TRIL: variants seen among roughly 807,000 people sequenced by gnomAD.
TRIL encodes the protein TLR4 interactor with leucine rich repeats.
In TRIL, 23 loss-of-function variants were observed where a neutral mutation model predicts 43.0. The observed-to-expected ratio is 0.54, with a 90% CI of 0.39 to 0.76. The LOEUF (loss-of-function observed/expected upper bound fraction) is 0.76. Ranked by LOEUF, TRIL falls within the 30% of genes least tolerant of loss-of-function variation. TRIL has a pLI of 0.00. For synonymous variants in TRIL, 602 were observed against 556.8 expected (o/e 1.08, Z -1.14); for missense variants, 1,114 against 1,139.3 (o/e 0.98, Z 0.32).
rs1783386258 is a variant in TRIL at position 28,955,713 on chromosome 7, G to A, written c.2334C>T (p.Asp778=). ...AGCGGTCGCAGGGGAATTCGATGAGGTCCGCCTCACTGAGCGCGCACACGG... is the reference window on the plus strand; with the variant it reads ...AGCGGTCGCAGGGGAATTCGATGAGATCCGCCTCACTGAGCGCGCACACGG... ...RTTVCALSEA[D]LIEFPCDRFM... The change falls in exon 1 of 1, where the codon GAC becomes GAT. Residue 778 remains aspartate, a synonymous_variant. Coordinates refer to ENST00000539664, the MANE Select transcript of TRIL (RefSeq NM_014817.4). 6.5e-7 allele frequency: 1 copy of A among 1,550,066 alleles called. No homozygotes were observed. Among genetic ancestry groups the A allele is most frequent in the Admixed American group, 2.0e-5 (1 of 50,990 alleles).
rs184399486 is a variant in TRIL, at chr7:28,956,482, C to A, written c.1565G>T (p.Arg522Leu). The stretch of plus-strand genomic sequence containing the variant: ...GGGCTCCGCGAGGGCGGGATCTGCC[C>A]GAGTCGGACGGCCCCGCTGGGGCTT... Reference protein sequence around the residue: ...HKKPQRGRPTRADPALAEPTP... With the variant: ...HKKPQRGRPTLADPALAEPTP... Residue 522 changes from arginine (R) to leucine (L), a missense_variant, in exon 1 of 1, where the codon CGG (arginine) becomes CTG (leucine). Transcript: ENST00000539664. 9.3e-5 allele frequency: 145 copies of A among 1,562,740 alleles called. No homozygotes were observed. The African/African-American group carries it at 1.7e-3, about 18-fold the overall frequency.
Position 28,955,731 on chromosome 7 carries a change from G to T in TRIL, c.2316C>A (p.Cys772Ter). ...FQSHRPRTTV[C>*]ALSEADLIEF... ...CGATGAGGTCCGCCTCACTGAGCGC[G>T]CACACGGTGGTGCGTGGCCGGTGCG... The change falls in exon 1 of 1, where the codon TGC (cysteine) becomes TGA (stop). Residue 772 changes from cysteine to a stop codon, truncating the protein, a stop_gained. Transcript: ENST00000539664. LOFTEE classifies it high-confidence loss of function. 6.5e-7 allele frequency: 1 copy of T among 1,550,328 alleles called. No individual in the cohort carries two copies. The highest frequency in any genetic ancestry group is 8.7e-7 in the Non-Finnish European group (1 of 1,146,910).
In TRIL at chr7:28,956,123, T is replaced by C; in HGVS notation, c.1924A>G (p.Ser642Gly). ...TCGCGCAGCGTGGCCGAGTCGCTGC[T>C]CTCAGGCAGGTAGACGAAGCGGTGG... is the stretch of plus-strand genomic sequence containing the variant. ...KFHRFVYLPE[S>G]SDSATLRELR... Residue 642 changes from serine (S) to glycine (G), a missense_variant, in exon 1 of 1, where the codon AGC becomes GGC. Coordinates refer to ENST00000539664, the MANE Select transcript of TRIL (RefSeq NM_014817.4). 1 of 1,563,396 alleles carries C rather than the reference T, an allele frequency of 6.4e-7. No homozygotes were observed.
In TRIL at chr7:28,956,818, T is replaced by C. The variant is rs1783412324; in HGVS notation, c.1229A>G (p.Gln410Arg). ...YLDYLDDQQL[Q>R]NGSCADPSPS... ...CGAGGGATCCGCGCAGGATCCATTTTGCAGCTGCTGGTCATCCAGGTAATC... is the reference window on the plus strand; with the variant it reads ...CGAGGGATCCGCGCAGGATCCATTTCGCAGCTGCTGGTCATCCAGGTAATC... The change falls in exon 1 of 1, where the codon CAA becomes CGA. Residue 410 changes from glutamine (Q) to arginine (R), a missense_variant. Coordinates refer to ENST00000539664, the MANE Select transcript of TRIL (RefSeq NM_014817.4). 2 of 1,611,170 alleles carry C rather than the reference T, an allele frequency of 1.2e-6. No homozygotes were observed. Among genetic ancestry groups the C allele is most frequent in the Admixed American group, 3.3e-5 (2 of 59,822 alleles).
chr7:28,957,111 C>G lies in TRIL; in HGVS notation c.936G>C (p.Glu312Asp). 1 of 1,574,444 alleles carries G rather than the reference C, an allele frequency of 6.4e-7. No homozygotes were observed. The highest frequency in any genetic ancestry group is 8.6e-7 in the Non-Finnish European group (1 of 1,163,244). Residue 312 changes from glutamate to aspartate, a missense_variant, in exon 1 of 1, where the codon GAG (glutamate) becomes GAC (aspartate). Glu to Asp is a conservative substitution (Grantham distance 45, BLOSUM62 2). Transcript: ENST00000539664. ...AGGTGGCCGGGTGCAGGGCGGACAG[C>G]TCATTGCCGCTCAGGTCCAGCGCCT... Reference protein sequence around the residue: ...SLEALDLSGNELSALHPATFG... With the variant: ...SLEALDLSGNDLSALHPATFG...
Position 28,956,695 on chromosome 7 carries a change from G to A in TRIL, c.1352C>T (p.Pro451Leu), listed in dbSNP as rs894946849. The change falls in exon 1 of 1, where the codon CCG becomes CTG. Residue 451 changes from proline to leucine, a missense_variant. Transcript: ENST00000539664. The part of the protein sequence containing the change: ...TPPAGLAEEL[P>L]PQPQLQQQGR... The stretch of plus-strand genomic sequence containing the variant: ...CTGCTGCTGGAGCTGCGGCTGCGGC[G>A]GCAGCTCCTCCGCGAGACCTGCAGG... The A allele has an allele frequency of 6.3e-7, 1 of 1,587,876 alleles. No homozygotes were observed. The highest frequency in any genetic ancestry group is 2.2e-5 in the East Asian group (1 of 44,474).
chr7:28,956,658 T>A lies in TRIL; in HGVS notation c.1389A>T (p.Leu463=), dbSNP rs1326116178. 6.3e-7 allele frequency: 1 copy of A among 1,575,152 alleles called. No homozygotes were observed. The change falls in exon 1 of 1, where the codon CTA becomes CTT. Residue 463 remains leucine, a synonymous_variant. Transcript: ENST00000539664. The stretch of plus-strand genomic sequence containing the variant: ...CGGCCCCATCCCAGGCCACCCCAGC[T>A]AGAAATCGCCCCTGCTGCTGGAGCT... ...QPQLQQQGRF[L]AGVAWDGAAR...
rs778141580 is a variant in TRIL, at chr7:28,955,836, G to C, written c.2211C>G (p.His737Gln). The change falls in exon 1 of 1, where the codon CAC (histidine) becomes CAG (glutamine). Residue 737 changes from histidine (H) to glutamine (Q), a missense_variant. Physicochemically the swap from His to Gln is conservative, Grantham distance 24. Transcript: ENST00000539664. ...GTCGGGTGGAGTACATGTGCCGAAC[G>C]TGGACCGGGGCCCCGCCCTTCCGCC... ...RARRKGGAPV[H>Q]VRHMYSTRRP... The C allele has an allele frequency of 1.3e-6, 2 of 1,549,804 alleles. No individual in the cohort carries two copies. Among genetic ancestry groups the C allele is most frequent in the East Asian group, 4.9e-5 (2 of 40,902 alleles).
In TRIL at chr7:28,958,210, G is replaced by T; in HGVS notation, c.-164C>A. On this transcript the variant is annotated 5_prime_UTR_variant, in exon 1 of 1. Transcript: ENST00000539664. ...GTCCTTTGTCCGGAGGCCGGCCCGG[G>T]TCTCTGCAGGCGGGCTTCGCCCGGC... The T allele has an allele frequency of 9.3e-7, 1 of 1,077,002 alleles. No homozygotes were observed. The highest frequency in any genetic ancestry group is 1.3e-6 in the Non-Finnish European group (1 of 783,218). The allele number at this position is 1,077,002 out of a possible 1,614,324, so 66.7% of individuals were successfully genotyped here.
Position 28,958,204 on chromosome 7 carries a change from GC to G in TRIL, c.-159del. ...TCCTCCGTCCTTTGTCCGGAGGCCG[GC>G]CCGGGTCTCTGCAGGCGGGCTTCGC... On this transcript the variant is annotated 5_prime_UTR_variant, in exon 1 of 1. Transcript: ENST00000539664. 1 of 1,140,500 alleles carries G rather than the reference GC, an allele frequency of 8.8e-7. No homozygotes were observed. The highest frequency in any genetic ancestry group is 1.2e-6 in the Non-Finnish European group (1 of 841,096). 70.6% of individuals were successfully genotyped at this position (1,140,500 alleles called of 1,614,324 possible).
chr7:28,957,362 G>A lies in TRIL; in HGVS notation c.685C>T (p.Arg229Cys), dbSNP rs746978205. Residue 229 changes from arginine (R) to cysteine (C), a missense_variant, in exon 1 of 1, where the codon CGC (arginine) becomes TGC (cysteine). By Grantham distance (180) the Arg-to-Cys change is radical. Coordinates refer to ENST00000539664, the MANE Select transcript of TRIL (RefSeq NM_014817.4). ...GAGAGGATGAGGGAGGAGAGGGAGC[G>A]CAGCGGTGCGAAGGTGGCCGCGTGG... is the stretch of plus-strand genomic sequence containing the variant. ...LRHAATFAPL[R>C]SLSSLILSAN... The A allele has an allele frequency of 1.4e-5, 22 of 1,612,558 alleles. No individual in the cohort carries two copies. The highest frequency in any genetic ancestry group is 1.8e-5 in the Non-Finnish European group (21 of 1,179,420).
chr7:28,956,456 T>C lies in TRIL; in HGVS notation c.1591A>G (p.Thr531Ala). ...GCAGAGCCAGGAGAGGCCGTTGGGG[T>C]GGGCTCCGCGAGGGCGGGATCTGCC... ...TRADPALAEP[T>A]PTASPGSAPS... is the part of the protein sequence containing the mutation. The change falls in exon 1 of 1, where the codon ACC becomes GCC. Residue 531 changes from threonine to alanine, a missense_variant. By Grantham distance (58) the Thr-to-Ala change is moderately conservative. Transcript: ENST00000539664. 6.5e-7 allele frequency: 1 copy of C among 1,545,550 alleles called. No individual in the cohort carries two copies. The highest frequency in any genetic ancestry group is 8.7e-7 in the Non-Finnish European group (1 of 1,152,902).
chr7:28,955,477 C>T lies in TRIL; in HGVS notation c.*134G>A. ...GAGTATTGGGAATTGGGGGATGGTG[C>T]CCGAATTGGCCCTCTGTCCCCACCG... On this transcript the variant is annotated 3_prime_UTR_variant, in exon 1 of 1. Coordinates refer to ENST00000539664, the MANE Select transcript of TRIL (RefSeq NM_014817.4). The T allele has an allele frequency of 7.8e-7, 1 of 1,289,952 alleles. No homozygotes were observed. The highest frequency in any genetic ancestry group is 1.0e-6 in the Non-Finnish European group (1 of 970,224). 79.9% of individuals were successfully genotyped at this position (1,289,952 alleles called of 1,614,324 possible). A position where few individuals can be genotyped will look rare whatever the true frequency, so the allele number is the denominator to read the frequency against.
At position 28,957,755 on chromosome 7, in the gene TRIL, G is replaced by C. The variant is rs375382146; in HGVS notation, c.292C>G (p.Leu98Val). 1.1e-5 allele frequency: 17 copies of C among 1,613,790 alleles called. No individual in the cohort carries two copies. The highest frequency in any genetic ancestry group is 1.4e-5 in the Non-Finnish European group (16 of 1,179,834). ...AGCTTCTCGAAGGTCTTGGGGTGCA[G>C]AGAGCGGATCTGGTTGTACTGCAGG... ...LDLQYNQIRS[L>V]HPKTFEKLSR... The change falls in exon 1 of 1, where the codon CTG becomes GTG. Residue 98 changes from leucine to valine, a missense_variant. By Grantham distance (32) the Leu-to-Val change is conservative. Coordinates refer to ENST00000539664, the MANE Select transcript of TRIL (RefSeq NM_014817.4).
rs1292952317 is a variant in TRIL, at chr7:28,957,314, C to G, written c.733G>C (p.Gly245Arg). 7 of 1,612,018 alleles carry G rather than the reference C, an allele frequency of 4.3e-6. No individual in the cohort carries two copies. Among genetic ancestry groups the G allele is most frequent in the Non-Finnish European group, 5.9e-6 (7 of 1,179,760 alleles). ...ILSANNLQHLGPRIFQHLPRL... is the reference protein window; with the variant it reads ...ILSANNLQHLRPRIFQHLPRL... ...GGCAGGTGCTGGAAGATGCGCGGCC[C>G]GAGGTGCTGCAGGTTGTTGGCCGAG... The change falls in exon 1 of 1, where the codon GGG becomes CGG. Residue 245 changes from glycine (G) to arginine (R), a missense_variant. Gly to Arg is a moderately radical substitution (Grantham distance 125, BLOSUM62 -2). Transcript: ENST00000539664.
chr7:28,956,990 G>A lies in TRIL; in HGVS notation c.1057C>T (p.Arg353Trp), dbSNP rs766078909. Reference sequence around the variant, plus strand: ...CAGCCGTTGCCGTCTAGATCCAGCCGATAAAGGGCTGGGCTGGCGGCGAAG... The same window carrying A: ...CAGCCGTTGCCGTCTAGATCCAGCCAATAAAGGGCTGGGCTGGCGGCGAAG... ...DIFAASPALY[R>W]LDLDGNGWTC... is the part of the protein sequence containing the mutation. Residue 353 changes from arginine (R) to tryptophan (W), a missense_variant, in exon 1 of 1, where the codon CGG becomes TGG. Transcript: ENST00000539664. The A allele has an allele frequency of 5.1e-6, 8 of 1,583,190 alleles. No individual in the cohort carries two copies. Among genetic ancestry groups the A allele is most frequent in the Middle Eastern group, 1.7e-4 (1 of 5,856 alleles).
In TRIL at chr7:28,957,993, C is replaced by G; in HGVS notation, c.54G>C (p.Ala18=). The G allele has an allele frequency of 5.6e-6, 9 of 1,597,510 alleles. No homozygotes were observed. Among genetic ancestry groups the G allele is most frequent in the Non-Finnish European group, 7.6e-6 (9 of 1,177,782 alleles). ...ACACGGGCTCGGCCAGCGGCGGGAG[C>G]GCGAGGCAGCCGCACACCACGAGCA... is the stretch of plus-strand genomic sequence containing the variant. The part of the protein sequence containing the change: ...RLLLVVCGCL[A]LPPLAEPVCP... The change falls in exon 1 of 1, where the codon GCG becomes GCC. Residue 18 remains alanine, a synonymous_variant. Coordinates refer to ENST00000539664, the MANE Select transcript of TRIL (RefSeq NM_014817.4).
At position 28,956,318 on chromosome 7, in the gene TRIL, A is replaced by T. The variant is rs1206744799; in HGVS notation, c.1729T>A (p.Ser577Thr). ...DGGAGLPPLV[S>T]DPCDFNKFIL... ...AACTTGTTGAAGTCGCATGGGTCGG[A>T]CACCAGCGGCGGCAGCCCGGCCCCA... Residue 577 changes from serine to threonine, a missense_variant, in exon 1 of 1, where the codon TCC (serine) becomes ACC (threonine). Coordinates refer to ENST00000539664, the MANE Select transcript of TRIL (RefSeq NM_014817.4). 6 of 1,538,666 alleles carry T rather than the reference A, an allele frequency of 3.9e-6. No homozygotes were observed. The Admixed American group carries it at 7.8e-5, about 20-fold the overall frequency.
In TRIL at chr7:28,956,207, G is replaced by A. The variant is rs114444553; in HGVS notation, c.1840C>T (p.Pro614Ser). 4.5e-6 allele frequency: 7 copies of A among 1,560,578 alleles called. No individual in the cohort carries two copies. In the African/African-American group the frequency reaches 5.4e-5, roughly 12 times the overall value. ...AGGCGGAAGCGCGCGCCGCCCAGCGGCCGGGGACTGCGGTGCTCGCGCACG... is the reference window on the plus strand; with the variant it reads ...AGGCGGAAGCGCGCGCCGCCCAGCGACCGGGGACTGCGGTGCTCGCGCACG... ...WAVREHRSPR[P>S]LGGARFRLLF... Residue 614 changes from proline (P) to serine (S), a missense_variant, in exon 1 of 1, where the codon CCG becomes TCG. Transcript: ENST00000539664.
Sources: allele counts gnomAD v4.1 joint callset, GRCh38; gene constraint gnomAD v4.1.1; transcripts MANE v1.5; gene names NCBI Gene and HGNC (gene_info 2026-07-23, HGNC 2026-07-21).